NDC80: variants seen among roughly 807,000 people sequenced by gnomAD.
NDC80 encodes the protein NDC80 kinetochore complex component.
NDC80 carries 69 observed loss-of-function variants against 89.3 expected under a neutral mutation model. That is an observed-to-expected ratio of 0.77 (90% CI 0.64 to 0.94). The LOEUF is 0.94. Ranked by LOEUF, NDC80 falls within the 40% of genes least tolerant of loss-of-function variation. The probability of loss-of-function intolerance (pLI) is 0.00; values close to 1 mark genes in which losing one functional copy is unlikely to be tolerated. For synonymous variants in NDC80, 243 were observed against 255.6 expected (o/e 0.95, Z 0.47); for missense variants, 593 against 739.6 (o/e 0.80, Z 2.30).
chr18:2,589,147 GA>G, intron 8 of NDC80, 56 bp from the exon 9 acceptor site: 1 of 1,152,580 alleles, frequency 8.7e-7, no homozygotes, highest in Non-Finnish European at 1.3e-6. Flanking sequence ...GAAAACTTGG[GA>G]AAGAATGTTC....
At chr18:2,593,714 T>C (rs2072639438) in intron 10 of NDC80, 3 of 196,708 alleles carry the variant, frequency 1.5e-5, no homozygotes, top group African/African-American at 4.8e-5. Flanking sequence ...CTGATTCTTA[T>C]TTATGGCATC....
At position 2,606,397 on chromosome 18, in the gene NDC80, A is replaced by T; in HGVS notation, c.1465-18A>T. 6.4e-7 allele frequency: 1 copy of T among 1,559,606 alleles called. No individual in the cohort carries two copies. Among genetic ancestry groups the T allele is most frequent in the Non-Finnish European group, 8.7e-7 (1 of 1,147,442 alleles). On this transcript the variant is annotated intron_variant, in intron 13 of 16. Transcript: ENST00000261597. ...GATGTATAGTTATGATTTCTCAACC[A>T]AAGTTTTATTTCCCCAGTTGAATGC...
chr18:2,614,671 C>T lies in NDC80; in HGVS notation c.1792-1766C>T, dbSNP rs186390977. On this transcript the variant is annotated intron_variant, in intron 16 of 16. Coordinates refer to ENST00000261597, the MANE Select transcript of NDC80 (RefSeq NM_006101.3). ...AAAGAAAGAAATAAATTTGGCAATC[C>T]GAAAAACCAACTTTCACTCTAGGTA... 2.7e-5 allele frequency among the ~76,000 whole-genome samples: 4 copies of T among 146,516 alleles called. 1 individual carries two copies. The highest frequency in any genetic ancestry group is 4.6e-5 in the Non-Finnish European group (3 of 64,924).
At chr18:2,616,297 T>C (rs927399260) in intron 16 of NDC80, 140 bp from the exon 17 acceptor site, 27 of 477,546 alleles carry the variant, frequency 5.7e-5, no homozygotes, top group Non-Finnish European at 8.3e-5. Context: ...AGTGCTGGGA[T>C]TGCAGGAGTG....
chr18:2,606,506 A>G lies in NDC80; in HGVS notation c.1556A>G (p.Lys519Arg), dbSNP rs909938646. 6.3e-7 allele frequency: 1 copy of G among 1,594,676 alleles called. No homozygotes were observed. Among genetic ancestry groups the G allele is most frequent in the Non-Finnish European group, 8.6e-7 (1 of 1,169,156 alleles). Residue 519 changes from lysine (K) to arginine (R), a missense_variant and splice_region_variant, in exon 14 of 17, where the codon AAG (lysine) becomes AGG (arginine). Physicochemically the swap from Lys to Arg is conservative, Grantham distance 26. Transcript: ENST00000261597. ...KLDDLYQQKI[K>R]EAEEEDEKCA... is the part of the protein sequence containing the mutation. Reference sequence around the variant, plus strand: ...GATGATCTTTACCAACAAAAAATTAAGGTAAGAACTTTGCCACAGTTTGCG... The same window carrying G: ...GATGATCTTTACCAACAAAAAATTAGGGTAAGAACTTTGCCACAGTTTGCG...
intron 16 of NDC80, among the ~76,000 whole-genome samples, chr18:2,612,902 G>A (rs2072752873): frequency 6.6e-6 from 1 of 152,174 alleles, no homozygotes; most frequent in African/African-American, 2.4e-5. Context: ...AAACGAGTGT[G>A]GTTCCAATAA....
chr18:2,612,290 T>C, intron 16 of NDC80, among the ~76,000 whole-genome samples: 1 of 128,706 alleles, frequency 7.8e-6, no homozygotes, highest in African/African-American at 3.0e-5. Flanking sequence ...TTTTTTTTTT[T>C]TTTTTTTTTT....
chr18:2,602,035 A>G (rs2072686648), intron 13 of NDC80, among the ~76,000 whole-genome samples: 1 of 152,168 alleles, frequency 6.6e-6, no homozygotes, highest in African/African-American at 2.4e-5. Context: ...CCTTTAAAGT[A>G]AACATTGTTA....
rs1328463318 is a variant in NDC80 at position 2,577,757 on chromosome 18, A to G, written c.191A>G (p.His64Arg). The change falls in exon 4 of 17, where the codon CAT becomes CGT. Residue 64 changes from histidine to arginine, a missense_variant. Physicochemically the swap from His to Arg is conservative, Grantham distance 29. Transcript: ENST00000261597. ...AAATATATTTCCAGAACTAGTGGACATGGATCCCGGAATAGTCAACTTGGT... is the reference window on the plus strand; with the variant it reads ...AAATATATTTCCAGAACTAGTGGACGTGGATCCCGGAATAGTCAACTTGGT... ...VSLFGKRTSG[H>R]GSRNSQLGIF... is the part of the protein sequence containing the mutation. 2 of 1,613,872 alleles carry G rather than the reference A, an allele frequency of 1.2e-6. No homozygotes were observed. Among genetic ancestry groups the G allele is most frequent in the Non-Finnish European group, 1.7e-6 (2 of 1,179,980 alleles).
At chr18:2,595,968 G>T (rs1401651098) in intron 11 of NDC80, among the ~76,000 whole-genome samples, 1 of 152,208 alleles carries the variant, frequency 6.6e-6, no homozygotes, top group Non-Finnish European at 1.5e-5. Flanking sequence ...AACATCCGCT[G>T]TGTGTCACTT....
intron 14 of NDC80, among the ~76,000 whole-genome samples, chr18:2,608,241 T>C (rs1329605451): frequency 6.6e-6 from 1 of 151,892 alleles, no homozygotes; most frequent in African/African-American, 2.4e-5. Flanking sequence ...TGTCTCGCTC[T>C]GTCGCTCAGG....
intron 6 of NDC80, 84 bp downstream of exon 6, chr18:2,579,113 C>T: frequency 1.3e-6 from 1 of 749,856 alleles, no homozygotes. Context: ...AGTCTTTTGA[C>T]AGTATTCTCA....
Position 2,575,133 on chromosome 18 carries a change from A to G in NDC80, c.179+67A>G, listed in dbSNP as rs921740197. The G allele has an allele frequency of 9.6e-5, 102 of 1,066,824 alleles. No individual in the cohort carries two copies. The South Asian group carries it at 1.0e-3, about 11-fold the overall frequency. The allele number at this position is 1,066,824 out of a possible 1,614,324, so 66.1% of individuals were successfully genotyped here. A position where few individuals can be genotyped will look rare whatever the true frequency, so the allele number is the denominator to read the frequency against. ...AGCCATACGTTGTTGCCCTCAGAGA[A>G]CAAATACATTAGATGACATGGTTCC... is the stretch of plus-strand genomic sequence containing the variant. On this transcript the variant is annotated intron_variant, in intron 3 of 16. Transcript: ENST00000261597.
chr18:2,599,305 C>T (rs1184001830), intron 12 of NDC80, 134 bp downstream of exon 12: 5 of 663,040 alleles, frequency 7.5e-6, no homozygotes, highest in East Asian at 3.3e-5. Context: ...TCTTTCTTCT[C>T]GGTCATAGAA....
intron 11 of NDC80, among the ~76,000 whole-genome samples, chr18:2,597,287 T>C (rs371391461): frequency 6.6e-6 from 1 of 152,258 alleles, no homozygotes. Context: ...ACTCTTCTTG[T>C]TTAGAAGTTT....
At chr18:2,595,317 G>A in intron 10 of NDC80, 99 bp from the exon 11 acceptor site, 1 of 550,842 alleles carries the variant, frequency 1.8e-6, no homozygotes, top group Non-Finnish European at 3.1e-6. Flanking sequence ...ACATATATAT[G>A]ACTTGGAAAT....
chr18:2,607,979 A>ATG lies in NDC80; in HGVS notation c.1558-720_1558-719insGT, dbSNP rs1201848527. On this transcript the variant is annotated intron_variant, in intron 14 of 16. Transcript: ENST00000261597. ...ATATATACATAGTATATATATATAT[A>ATG]TATATATATATATATATATAACTTA... Among the ~76,000 whole-genome samples the ATG allele has an allele frequency of 6.4e-3, 770 of 120,298 alleles. 20 individuals carry two copies. The highest frequency in any genetic ancestry group is 0.016 in the African/African-American group (542 of 33,606). The allele number at this position is 120,298 out of a possible 152,430, so 78.9% of individuals were successfully genotyped here.
intron 16 of NDC80, chr18:2,615,077 G>C (rs2072778415): frequency 6.6e-6 from 1 of 152,250 alleles, no homozygotes. Context: ...CCATGGCCCT[G>C]CTGACGTCTT....
At chr18:2,612,276 C>CTTTTTTTTTTTTTTTTTTTTTT (rs55648444) in intron 16 of NDC80, among the ~76,000 whole-genome samples, 4 of 60,398 alleles carry the variant, frequency 6.6e-5, no homozygotes, top group African/African-American at 1.9e-4. Flanking sequence ...TCTTTTCTTT[C>CTTTTTTTTTTTTTTTTTTTTTT]TTTTTTTTTT....
Sources: gnomAD v4.1 joint callset for allele counts (sites outside exome capture counted in the v4.1 genomes callset) on GRCh38, gnomAD v4.1.1 for gene constraint, MANE v1.5 for transcripts, NCBI Gene and HGNC (gene_info 2026-07-23, HGNC 2026-07-21) for gene names.